Variants in SERPINE2 observed in about 807,000 individuals in gnomAD.
The protein encoded by SERPINE2 is serpin family E member 2.
In SERPINE2, 14 loss-of-function variants were observed where a neutral mutation model predicts 36.3. The observed-to-expected ratio is 0.39, with a 90% CI of 0.25 to 0.60. The LOEUF (loss-of-function observed/expected upper bound fraction) is 0.60, where lower values mean the gene tolerates loss of function less well. Among genes scored for constraint, SERPINE2 ranks in the 20% least tolerant of loss-of-function variants. SERPINE2 has a pLI of 0.57. For synonymous variants in SERPINE2, 192 were observed against 191.8 expected, an observed-to-expected ratio of 1.00 and a Z score of -0.01; for missense variants, 418 against 499.6, an observed-to-expected ratio of 0.84 and a Z score of 1.56.
chr2:224,012,067 C>T (rs1559212875), intron 1 of SERPINE2, among the ~76,000 whole-genome samples: 1 of 152,222 alleles, frequency 6.6e-6, no homozygotes. Context: ...TGAGGACTAA[C>T]AGCCATTGAC....
chr2:224,038,613 C>T lies in SERPINE2; in HGVS notation c.-23+486G>A. The stretch of plus-strand genomic sequence containing the variant: ...TAAAGGCTTTCCCCACACCGCGCGT[C>T]ACCTCCCTCTGCCCAGGCAGAGGTA... On this transcript the variant is annotated intron_variant, in intron 1 of 8. Transcript: ENST00000409304. 2.0e-6 allele frequency: 2 copies of T among 981,402 alleles called. 1 individual carries two copies. The highest frequency in any genetic ancestry group is 3.2e-6 in the Non-Finnish European group (2 of 626,872). The allele number at this position is 981,402 out of a possible 1,614,324, so 60.8% of individuals were successfully genotyped here.
chr2:224,001,724 C>A lies in SERPINE2; in HGVS notation c.177G>T (p.Ala59=). 1 of 1,614,180 alleles carries A rather than the reference C, an allele frequency of 6.2e-7. No homozygotes were observed. Among genetic ancestry groups the A allele is most frequent in the Non-Finnish European group, 8.5e-7 (1 of 1,180,034 alleles). Residue 59 remains alanine, a synonymous_variant, in exon 2 of 9, where the codon GCG becomes GCT. Coordinates refer to ENST00000409304, the MANE Select transcript of SERPINE2 (RefSeq NM_001136528.2). ...DNIVISPHGI[A]SVLGMLQLGA... is the part of the protein sequence containing the mutation. ...CCAGCTGAAGCATCCCCAGGACCGA[C>A]GCAATCCCATGGGGAGAGATCACGA...
chr2:224,004,702 T>A (rs542736428), intron 1 of SERPINE2, among the ~76,000 whole-genome samples: 1 of 152,154 alleles, frequency 6.6e-6, no homozygotes, highest in East Asian at 1.9e-4. Context: ...TCTTTAAAAT[T>A]TAATATAGCA....
rs201689138 is a variant in SERPINE2, at chr2:223,991,938, C to T, written c.550G>A (p.Val184Ile). 205 of 1,613,148 alleles carry T rather than the reference C, an allele frequency of 1.3e-4. No individual in the cohort carries two copies. Among genetic ancestry groups the T allele is most frequent in the African/African-American group, 1.5e-4 (11 of 74,852 alleles). The change falls in exon 4 of 9, where the codon GTC (valine) becomes ATC (isoleucine). Residue 184 changes from valine to isoleucine, a missense_variant. Transcript: ENST00000409304. ...IDGVLTRLVLVNAVYFKGLWK... is the reference protein window; with the variant it reads ...IDGVLTRLVLINAVYFKGLWK... ...AGACCCTTGAAATACACTGCGTTGA[C>T]GAGGACCAGTCTGGTGAGCACACCA...
At chr2:224,029,840 G>A (rs547994197) in intron 1 of SERPINE2, among the ~76,000 whole-genome samples, 3 of 152,120 alleles carry the variant, frequency 2.0e-5, no homozygotes, top group Admixed American at 1.3e-4. Context: ...CTGGGATTAC[G>A]GGCGTGCGTC....
chr2:223,998,178 T>C lies in SERPINE2; in HGVS notation c.424A>G (p.Asn142Asp). 1 of 1,614,248 alleles carries C rather than the reference T, an allele frequency of 6.2e-7. No individual in the cohort carries two copies. The highest frequency in any genetic ancestry group is 1.1e-5 in the South Asian group (1 of 91,078). ...CAGGCAGAGGCTGGATCCTCAAAGT[T>C]CACATTCCGGACCTCACACTGGAAC... is the stretch of plus-strand genomic sequence containing the variant. Reference protein sequence around the residue: ...DVFQCEVRNVNFEDPASACDS... With the variant: ...DVFQCEVRNVDFEDPASACDS... The change falls in exon 3 of 9, where the codon AAC becomes GAC. Residue 142 changes from asparagine (N) to aspartate (D), a missense_variant. By Grantham distance (23) the Asn-to-Asp change is conservative. Coordinates refer to ENST00000409304, the MANE Select transcript of SERPINE2 (RefSeq NM_001136528.2).
intron 4 of SERPINE2, among the ~76,000 whole-genome samples, chr2:223,989,701 G>A (rs1690576733): frequency 6.6e-6 from 1 of 152,208 alleles, no homozygotes; most frequent in Non-Finnish European, 1.5e-5. Context: ...GAAACCTGAT[G>A]ACAGGCATGG....
intron 1 of SERPINE2, among the ~76,000 whole-genome samples, chr2:224,033,093 T>C (rs1692429748): frequency 6.6e-6 from 1 of 152,242 alleles, no homozygotes; most frequent in Non-Finnish European, 1.5e-5. Flanking sequence ...TTATTGCATT[T>C]GACTCCATTC....
At chr2:223,984,006 GTGAATGTCTTACTCTGATTAC>G (rs1440298610) in intron 5 of SERPINE2, among the ~76,000 whole-genome samples, 5 of 150,834 alleles carry the variant, frequency 3.3e-5, no homozygotes. Context: ...AATACTTATT[GTGAATGTCTTACTCTGATTAC>G]TTAACTCGGT....
At chr2:224,035,978 G>T (rs772917984) in intron 1 of SERPINE2, among the ~76,000 whole-genome samples, 2 of 123,858 alleles carry the variant, frequency 1.6e-5, no homozygotes, top group Non-Finnish European at 3.5e-5. Flanking sequence ...CTCCATGAAC[G>T]GTGGAACCAC....
Position 224,028,834 on chromosome 2 carries a change from C to T in SERPINE2, c.-23+10265G>A, listed in dbSNP as rs527764604. Among the ~76,000 whole-genome samples, 4 of 152,344 alleles carry T rather than the reference C, an allele frequency of 2.6e-5. No homozygotes were observed. In the East Asian group the frequency reaches 5.8e-4, roughly 22 times the overall value. On this transcript the variant is annotated intron_variant, in intron 1 of 8. Coordinates refer to ENST00000409304, the MANE Select transcript of SERPINE2 (RefSeq NM_001136528.2). The stretch of plus-strand genomic sequence containing the variant: ...GAGCCCAAAAGAATAAGATACTCCA[C>T]TTGCAGGTTCCTAACAGGGCAGAGA...
At chr2:223,995,633 TTTTTGC>T (rs1332817694) in intron 3 of SERPINE2, among the ~76,000 whole-genome samples, 9 of 150,856 alleles carry the variant, frequency 6.0e-5, no homozygotes, top group African/African-American at 1.7e-4. Flanking sequence ...TTTGTTTTTG[TTTTTGC>T]ATCCTTTTCA....
intron 1 of SERPINE2, among the ~76,000 whole-genome samples, chr2:224,031,847 A>G (rs1273091429): frequency 2.1e-5 from 3 of 143,630 alleles, no homozygotes; most frequent in Admixed American, 7.5e-5. Context: ...AGCTACCTAC[A>G]GTCATGGTCC....
chr2:224,015,232 T>C (rs1020030617), intron 1 of SERPINE2, among the ~76,000 whole-genome samples: 2 of 152,194 alleles, frequency 1.3e-5, no homozygotes, highest in Admixed American at 6.5e-5. Context: ...AATCGTCTTA[T>C]TACTTGATAT....
intron 1 of SERPINE2, among the ~76,000 whole-genome samples, chr2:224,017,569 A>C (rs1050784601): frequency 6.6e-6 from 1 of 152,224 alleles, no homozygotes; most frequent in Non-Finnish European, 1.5e-5. Flanking sequence ...GATTTAGGAC[A>C]CTATACATGG....
intron 4 of SERPINE2, among the ~76,000 whole-genome samples, chr2:223,989,486 C>G (rs60701118): frequency 6.6e-6 from 1 of 152,206 alleles, no homozygotes; most frequent in Non-Finnish European, 1.5e-5. Flanking sequence ...AAATGACGGA[C>G]AGTCTGTGGA....
intron 1 of SERPINE2, among the ~76,000 whole-genome samples, chr2:224,007,969 T>C (rs193099238): frequency 1.4e-3 from 210 of 152,362 alleles, no homozygotes; most frequent in African/African-American, 5.0e-3. Context: ...TCTTTGTTTA[T>C]GGCTGCATCT....
intron 1 of SERPINE2, chr2:224,031,559 C>T: frequency 3.2e-6 from 3 of 947,764 alleles, no homozygotes; most frequent in Non-Finnish European, 2.5e-6. Context: ...GGGCATGTGA[C>T]CACGTGACCT....
chr2:223,998,637 G>T (rs1690989594), intron 2 of SERPINE2, among the ~76,000 whole-genome samples: 1 of 152,166 alleles, frequency 6.6e-6, no homozygotes. Flanking sequence ...GATCGCTGGA[G>T]CCTGGGAAGT....
Sources: allele counts gnomAD v4.1 joint callset (sites outside exome capture counted in the v4.1 genomes callset), GRCh38; gene constraint gnomAD v4.1.1; transcripts MANE v1.5; gene names NCBI Gene and HGNC (gene_info 2026-07-23, HGNC 2026-07-21).